RAB3C: variants seen among roughly 807,000 people sequenced by gnomAD.
The protein encoded by RAB3C is RAB3C, member RAS oncogene family.
RAB3C carries 17 observed loss-of-function variants against 26.4 expected under a neutral mutation model. The ratio of observed to expected loss-of-function variants is 0.64; its 90% confidence interval spans 0.44 to 0.97. The LOEUF (loss-of-function observed/expected upper bound fraction) is 0.97, where lower values mean the gene tolerates loss of function less well. Ranked by LOEUF, RAB3C falls within the 50% of genes least tolerant of loss-of-function variation. The pLI is 0.00. For synonymous variants in RAB3C, 91 were observed against 95.9 expected, an observed-to-expected ratio of 0.95 and a Z score of 0.30; for missense variants, 242 against 281.9, an observed-to-expected ratio of 0.86 and a Z score of 1.01.
At chr5:58,844,907 C>T (rs1034287971) in intron 4 of RAB3C, among the ~76,000 whole-genome samples, 4 of 152,148 alleles carry the variant, frequency 2.6e-5, no homozygotes, top group African/African-American at 9.7e-5. Context: ...GCAACAGTGC[C>T]GCAGAACATC....
intron 2 of RAB3C, among the ~76,000 whole-genome samples, chr5:58,629,157 T>C (rs1423234370): frequency 6.6e-6 from 1 of 150,422 alleles, no homozygotes; most frequent in East Asian, 2.0e-4. Flanking sequence ...ATCTGGCAGG[T>C]GGTAGATTTT....
chr5:58,649,026 C>T (rs192881736), intron 2 of RAB3C, among the ~76,000 whole-genome samples: 12 of 152,264 alleles, frequency 7.9e-5, no homozygotes, highest in East Asian at 1.9e-4. Context: ...CACATTCCTT[C>T]GGCAAGAACT....
At chr5:58,691,067 A>T (rs1748560515) in intron 2 of RAB3C, among the ~76,000 whole-genome samples, 1 of 152,040 alleles carries the variant, frequency 6.6e-6, no homozygotes, top group Admixed American at 6.6e-5. Context: ...CCAAAAACAC[A>T]TACATTATGA....
intron 2 of RAB3C, among the ~76,000 whole-genome samples, chr5:58,685,427 C>T (rs752052826): frequency 6.6e-6 from 1 of 152,082 alleles, no homozygotes; most frequent in Non-Finnish European, 1.5e-5. Flanking sequence ...TTTCTGTCGC[C>T]CACTTAAAAA....
intron 2 of RAB3C, among the ~76,000 whole-genome samples, chr5:58,717,455 C>G (rs1482216726): frequency 6.6e-6 from 1 of 152,110 alleles, no homozygotes. Flanking sequence ...GGACAAGCTT[C>G]TGTGTGACAG....
intron 2 of RAB3C, among the ~76,000 whole-genome samples, chr5:58,683,667 A>G (rs1748390489): frequency 6.6e-6 from 1 of 152,216 alleles, no homozygotes; most frequent in South Asian, 2.1e-4. Flanking sequence ...AACAATTCAT[A>G]CATTTAAAAT....
In RAB3C at chr5:58,854,351, G is replaced by A. The variant is rs1042208445; in HGVS notation, c.*3000G>A. On this transcript the variant is annotated 3_prime_UTR_variant, in exon 5 of 5. Coordinates refer to ENST00000282878, the MANE Select transcript of RAB3C (RefSeq NM_138453.4). ...AACTGTTCCAAATCGATTCTTCCAA[G>A]AGCTTTGGTGTTGGTACCTTCCTTT... 4 of 152,046 alleles carry A rather than the reference G, an allele frequency of 2.6e-5. No homozygotes were observed. Among genetic ancestry groups the A allele is most frequent in the Admixed American group, 6.6e-5 (1 of 15,254 alleles). 9.4% of individuals were successfully genotyped at this position (152,046 alleles called of 1,614,324 possible).
chr5:58,595,513 T>C (rs544119868), intron 1 of RAB3C, among the ~76,000 whole-genome samples: 2 of 152,226 alleles, frequency 1.3e-5, no homozygotes, highest in Admixed American at 1.3e-4. Flanking sequence ...TCATAGTATA[T>C]CCCTGAGGCC....
intron 2 of RAB3C, among the ~76,000 whole-genome samples, chr5:58,649,951 A>G (rs1252256638): frequency 1.3e-5 from 2 of 152,216 alleles, no homozygotes; most frequent in Non-Finnish European, 2.9e-5. Context: ...GCACTACAGC[A>G]GCATCAAACT....
intron 3 of RAB3C, among the ~76,000 whole-genome samples, chr5:58,808,889 C>A (rs1743006390): frequency 6.6e-6 from 1 of 152,154 alleles, no homozygotes; most frequent in African/African-American, 2.4e-5. Context: ...CTTAGCATTT[C>A]AAAAGTGAGG....
At chr5:58,821,230 G>A (rs1047492919) in intron 3 of RAB3C, among the ~76,000 whole-genome samples, 2 of 152,072 alleles carry the variant, frequency 1.3e-5, no homozygotes, top group Non-Finnish European at 2.9e-5. Flanking sequence ...ATCTCACTCT[G>A]GGTATCTGAT....
chr5:58,609,747 T>C (rs1561265299), intron 1 of RAB3C, among the ~76,000 whole-genome samples: 1 of 152,136 alleles, frequency 6.6e-6, no homozygotes, highest in East Asian at 1.9e-4. Context: ...ATGAATCCCA[T>C]AAAATAGTTA....
intron 2 of RAB3C, among the ~76,000 whole-genome samples, chr5:58,636,406 G>A (rs73759529): frequency 0.043 from 6,526 of 152,222 alleles, 266 homozygotes; most frequent in African/African-American, 0.11. Flanking sequence ...TAACTGGAAC[G>A]TTGAATCCTG....
upstream of RAB3C, among the ~76,000 whole-genome samples, chr5:58,582,765 A>G (rs1174158826): frequency 6.6e-6 from 1 of 152,156 alleles, no homozygotes; most frequent in African/African-American, 2.4e-5. Flanking sequence ...TCTACTTCCG[A>G]AGGCGATAGT....
intron 2 of RAB3C, among the ~76,000 whole-genome samples, chr5:58,696,875 C>T (rs956665403): frequency 6.6e-6 from 1 of 152,108 alleles, no homozygotes; most frequent in Non-Finnish European, 1.5e-5. Context: ...AAAACCAGCT[C>T]CTGGATTCAT....
At chr5:58,588,122 G>C (rs995017504) in intron 1 of RAB3C, among the ~76,000 whole-genome samples, 1 of 152,056 alleles carries the variant, frequency 6.6e-6, no homozygotes, top group Non-Finnish European at 1.5e-5. Flanking sequence ...GAACTTGGAG[G>C]TAATTTCTAA....
chr5:58,804,793 T>C (rs747638868), intron 3 of RAB3C, among the ~76,000 whole-genome samples: 13 of 152,038 alleles, frequency 8.6e-5, no homozygotes, highest in Admixed American at 3.9e-4. Flanking sequence ...CACCCACATA[T>C]AGGAACCATG....
At chr5:58,718,659 G>C (rs1345162136) in intron 2 of RAB3C, among the ~76,000 whole-genome samples, 10 of 152,034 alleles carry the variant, frequency 6.6e-5, no homozygotes, top group African/African-American at 2.4e-4. Context: ...GGTATGAAAA[G>C]GTTGGATAAA....
At chr5:58,719,859 C>T (rs1740706086) in intron 2 of RAB3C, among the ~76,000 whole-genome samples, 1 of 151,898 alleles carries the variant, frequency 6.6e-6, no homozygotes, top group African/African-American at 2.4e-5. Context: ...ACACCAAAAT[C>T]TCAGAAATAA....
Sources: allele counts gnomAD v4.1 joint callset (sites outside exome capture counted in the v4.1 genomes callset), GRCh38; gene constraint gnomAD v4.1.1; transcripts MANE v1.5; gene names NCBI Gene and HGNC (gene_info 2026-07-23, HGNC 2026-07-21).